Variants in KCNAB2 observed in about 807,000 individuals in gnomAD.
The protein encoded by KCNAB2 is potassium voltage-gated channel subfamily A regulatory beta subunit 2, also known as voltage-gated potassium channel subunit beta-2.
A neutral mutation model predicts 63.6 loss-of-function variants in KCNAB2; 29 were observed. The observed-to-expected ratio is 0.46, with a 90% CI of 0.34 to 0.62. The LOEUF is 0.62. Among genes scored for constraint, KCNAB2 ranks in the 20% least tolerant of loss-of-function variants. The pLI is 0.01. For synonymous variants in KCNAB2, 222 were observed against 224.2 expected (o/e 0.99, Z 0.09); for missense variants, 359 against 563.9 (o/e 0.64, Z 3.68).
intron 1 of KCNAB2, among the ~76,000 whole-genome samples, chr1:6,009,860 C>G (rs896695598): frequency 2.0e-5 from 3 of 147,984 alleles, no homozygotes; most frequent in Non-Finnish European, 4.5e-5. Flanking sequence ...TGTGCTATTT[C>G]TTTTCTTTTT....
intron 1 of KCNAB2, among the ~76,000 whole-genome samples, chr1:6,040,251 T>C (rs950159150): frequency 1.3e-5 from 2 of 152,150 alleles, no homozygotes; most frequent in Non-Finnish European, 2.9e-5. Context: ...CCACGACATA[T>C]AAGGTGGGAG....
chr1:6,065,839 T>A (rs1316706867), intron 2 of KCNAB2, among the ~76,000 whole-genome samples: 1 of 152,198 alleles, frequency 6.6e-6, no homozygotes. Context: ...CCAGCAGGTC[T>A]TCTGTACCTC....
chr1:6,020,697 C>T (rs567392788), intron 1 of KCNAB2, among the ~76,000 whole-genome samples: 6 of 152,346 alleles, frequency 3.9e-5, no homozygotes, highest in African/African-American at 7.2e-5. Context: ...GACGGAGTCT[C>T]GCTCTGTCAC....
chr1:6,060,472 C>T (rs2100586760), intron 2 of KCNAB2, among the ~76,000 whole-genome samples: 1 of 152,354 alleles, frequency 6.6e-6, no homozygotes, highest in African/African-American at 2.4e-5. Context: ...AACTGTTCAA[C>T]ATCCTCTGCC....
At chr1:6,001,296 C>CCA (rs56828069) in intron 1 of KCNAB2, among the ~76,000 whole-genome samples, 13,103 of 146,948 alleles carry the variant, frequency 0.089, 611 homozygotes, top group Non-Finnish European at 0.11. Flanking sequence ...CATGTGATCA[C>CCA]CACACACACA....
At chr1:6,098,024 T>C (rs1239229191) in intron 15 of KCNAB2, 3 of 242,776 alleles carry the variant, frequency 1.2e-5, no homozygotes, top group Non-Finnish European at 2.0e-5. Context: ...GGTTGGATCC[T>C]GGATGTTTGG....
chr1:6,092,001 G>A (rs1665230930), intron 10 of KCNAB2, among the ~76,000 whole-genome samples: 1 of 152,206 alleles, frequency 6.6e-6, no homozygotes, highest in Non-Finnish European at 1.5e-5. Flanking sequence ...ACGGCCCCAG[G>A]ACCCCACCCC....
intron 8 of KCNAB2, 145 bp from the exon 9 acceptor site, chr1:6,090,244 C>A: frequency 1.7e-6 from 1 of 585,266 alleles, no homozygotes; most frequent in Non-Finnish European, 3.1e-6. Flanking sequence ...CGTGGCATTT[C>A]ACGACCTCCA....
At chr1:6,033,890 G>A (rs935983129), upstream of KCNAB2, among the ~76,000 whole-genome samples, 6 of 152,264 alleles carry the variant, frequency 3.9e-5, no homozygotes, top group South Asian at 4.1e-4. Context: ...ATCTAAATCC[G>A]GAAGATTTGC....
rs943642905 is a variant in KCNAB2 at position 6,078,132 on chromosome 1, C to T, written c.301-4063C>T. Among the ~76,000 whole-genome samples, 7 of 152,220 alleles carry T rather than the reference C, an allele frequency of 4.6e-5. No individual in the cohort carries two copies. The highest frequency in any genetic ancestry group is 4.1e-4 in the South Asian group (2 of 4,832). ...CCAGGACCCTTCCCAGCCTCTTCAG[C>T]GTCTGGCGCTGCTGGCCTTCCTTGG... On this transcript the variant is annotated intron_variant, in intron 4 of 15. Coordinates refer to ENST00000378083, the MANE Select transcript of KCNAB2 (RefSeq NM_001199862.2). This position sits in a 1 kb window ranked among gnomAD's most constrained non-coding sequence, Gnocchi z 4.2.
At chr1:6,054,883 A>G (rs1002226306) in intron 2 of KCNAB2, among the ~76,000 whole-genome samples, 1 of 152,212 alleles carries the variant, frequency 6.6e-6, no homozygotes, top group African/African-American at 2.4e-5. Flanking sequence ...TCTGCCACAC[A>G]GAAAAGGGGG....
chr1:6,071,361 G>C lies in KCNAB2; in HGVS notation c.219-1394G>C, dbSNP rs771580939. Reference sequence around the variant, plus strand: ...CACCGCCTAGAACCAGCTGCCCCTTGACCAGATGCTGGCAGCTGGATTCCA... The same window carrying C: ...CACCGCCTAGAACCAGCTGCCCCTTCACCAGATGCTGGCAGCTGGATTCCA... On this transcript the variant is annotated intron_variant, in intron 2 of 15. Coordinates refer to ENST00000378083, the MANE Select transcript of KCNAB2 (RefSeq NM_001199862.2). The surrounding 1 kb of genome is among the most constrained non-coding windows in gnomAD (Gnocchi z 8.5). 2.0e-5 allele frequency among the ~76,000 whole-genome samples: 3 copies of C among 152,202 alleles called. No homozygotes were observed. The highest frequency in any genetic ancestry group is 6.5e-5 in the Admixed American group (1 of 15,284).
At chr1:6,034,996 A>T (rs1390897330) in intron 1 of KCNAB2, among the ~76,000 whole-genome samples, 1 of 152,132 alleles carries the variant, frequency 6.6e-6, no homozygotes, top group Non-Finnish European at 1.5e-5. Flanking sequence ...AGCCCAGGGG[A>T]GGGACCAGGG....
intron 1 of KCNAB2, among the ~76,000 whole-genome samples, chr1:6,021,922 G>C (rs1658852122): frequency 1.3e-5 from 2 of 151,934 alleles, no homozygotes; most frequent in South Asian, 4.1e-4. Context: ...AAGTGCAGTG[G>C]TATTGAGGGT....
intron 5 of KCNAB2, among the ~76,000 whole-genome samples, chr1:6,083,797 C>T (rs1011194784): frequency 6.6e-6 from 1 of 152,168 alleles, no homozygotes; most frequent in Non-Finnish European, 1.5e-5. Flanking sequence ...CTTGCTTCTC[C>T]TGCTGACACT....
intron 1 of KCNAB2, among the ~76,000 whole-genome samples, chr1:6,027,959 G>C (rs1659316309): frequency 6.6e-6 from 1 of 152,176 alleles, no homozygotes; most frequent in Admixed American, 6.5e-5. Flanking sequence ...GCATTTCTTT[G>C]GCTGCATCTG....
In KCNAB2 at chr1:6,096,212, C is replaced by A. The variant is rs917305667; in HGVS notation, c.949-424C>A. The stretch of plus-strand genomic sequence containing the variant: ...CTCCCATCCCATGGCAAGGTCAGGG[C>A]CCCCCTCCAGGAGGCCCTGCAATCC... On this transcript the variant is annotated intron_variant, in intron 13 of 15. Coordinates refer to ENST00000378083, the MANE Select transcript of KCNAB2 (RefSeq NM_001199862.2). The surrounding 1 kb of genome is among the most constrained non-coding windows in gnomAD (Gnocchi z 5.9). The A allele has an allele frequency of 1.6e-4, 72 of 454,414 alleles. No individual in the cohort carries two copies. Among genetic ancestry groups the A allele is most frequent in the Non-Finnish European group, 2.6e-4 (59 of 227,156 alleles). 28.1% of individuals were successfully genotyped at this position (454,414 alleles called of 1,614,324 possible).
At chr1:6,082,479 A>T (rs1457677869) in intron 5 of KCNAB2, among the ~76,000 whole-genome samples, 3 of 152,126 alleles carry the variant, frequency 2.0e-5, no homozygotes, top group Non-Finnish European at 4.4e-5. Flanking sequence ...TCACTTGCTG[A>T]ACTCCCCGTG....
chr1:6,064,838 C>T (rs1662607430), intron 2 of KCNAB2, among the ~76,000 whole-genome samples: 1 of 152,204 alleles, frequency 6.6e-6, no homozygotes, highest in African/African-American at 2.4e-5. Context: ...CACTTGGGAT[C>T]AGAGGGCAGA....
Sources: gnomAD v4.1 joint callset for allele counts (sites outside exome capture counted in the v4.1 genomes callset) on GRCh38, gnomAD v4.1.1 for gene constraint, Gnocchi (gnomAD v3.1) non-coding constraint, MANE v1.5 for transcripts, NCBI Gene and HGNC (gene_info 2026-07-23, HGNC 2026-07-21) for gene names.